The following ERBB4 variants were observed in gnomAD, a reference collection of about 807,000 sequenced individuals.
ERBB4 encodes the protein receptor tyrosine-protein kinase erbB-4.
Under a neutral mutation model 158.0 loss-of-function variants are expected in ERBB4, and 42 were observed. That is an observed-to-expected ratio of 0.27 (90% confidence interval 0.21 to 0.34). ERBB4 has a LOEUF of 0.34. Ranked by LOEUF, ERBB4 falls within the 10% of genes least tolerant of loss-of-function variation. ERBB4 has a pLI of 1.00. For synonymous variants in ERBB4, 583 were observed against 558.7 expected (o/e 1.04, Z -0.61); for missense variants, 1,333 against 1,624.1 (o/e 0.82, Z 3.08).
intron 1 of ERBB4, among the ~76,000 whole-genome samples, chr2:212,252,904 C>T (rs1949651): frequency 0.43 from 65,609 of 151,894 alleles, 15,033 homozygotes; most frequent in East Asian, 0.73. Context: ...CATCTACAGA[C>T]ATTAGATGCT....
At chr2:211,493,331 T>C (rs1371176993) in intron 20 of ERBB4, among the ~76,000 whole-genome samples, 1 of 152,068 alleles carries the variant, frequency 6.6e-6, no homozygotes, top group East Asian at 1.9e-4. Flanking sequence ...ATTTAATATA[T>C]TGAACAGACA....
chr2:211,471,310 T>C (rs560962892), intron 20 of ERBB4, among the ~76,000 whole-genome samples: 130 of 152,232 alleles, frequency 8.5e-4, no homozygotes, highest in African/African-American at 3.0e-3. Context: ...CAAGCCTTTC[T>C]TAAATTTCTA....
intron 1 of ERBB4, among the ~76,000 whole-genome samples, chr2:212,484,151 C>T (rs1282283923): frequency 2.0e-5 from 3 of 152,134 alleles, no homozygotes; most frequent in Admixed American, 2.0e-4. Flanking sequence ...AATAAAAACT[C>T]AGTGTTCTAA....
In ERBB4 at chr2:211,750,715, C is replaced by T. The variant is rs370066248; in HGVS notation, c.557-11G>A. 3.6e-5 allele frequency: 58 copies of T among 1,612,596 alleles called. No individual in the cohort carries two copies. Among genetic ancestry groups the T allele is most frequent in the East Asian group, 8.9e-5 (4 of 44,856 alleles). On this transcript the variant is annotated splice_polypyrimidine_tract_variant and intron_variant, in intron 4 of 27. Transcript: ENST00000342788. ...TATGGCAACGTCCACCTGCAGAACA[C>T]GAAAAGGGAAAAAGGACATGCACGT... is the stretch of plus-strand genomic sequence containing the variant.
At chr2:212,003,148 GGAAAGAAA>G (rs1327750603) in intron 2 of ERBB4, among the ~76,000 whole-genome samples, 18 of 15,188 alleles carry the variant, frequency 1.2e-3, no homozygotes, top group African/African-American at 1.7e-3. Context: ...AAGGAAGGAA[GGAAAGAAA>G]GAAAGAAAGA....
At chr2:211,861,609 A>C (rs1471143453) in intron 3 of ERBB4, among the ~76,000 whole-genome samples, 1 of 152,082 alleles carries the variant, frequency 6.6e-6, no homozygotes, top group Non-Finnish European at 1.5e-5. Flanking sequence ...TTGTTTTTAT[A>C]ATTTTCTTCA....
intron 1 of ERBB4, among the ~76,000 whole-genome samples, chr2:212,309,110 C>T (rs1477834192): frequency 1.3e-5 from 2 of 150,772 alleles, no homozygotes; most frequent in Non-Finnish European, 3.0e-5. Flanking sequence ...AACATCAGTG[C>T]AAATTTTAAA....
At chr2:211,405,906 G>A (rs189711371) in intron 25 of ERBB4, among the ~76,000 whole-genome samples, 127 of 152,018 alleles carry the variant, frequency 8.4e-4, no homozygotes, top group African/African-American at 2.3e-3. Context: ...TAACGTTAAC[G>A]TCTTCCTAGT....
At chr2:211,916,256 T>C (rs1270601674) in intron 3 of ERBB4, among the ~76,000 whole-genome samples, 1 of 152,090 alleles carries the variant, frequency 6.6e-6, no homozygotes, top group African/African-American at 2.4e-5. Context: ...ATCAGCTCAC[T>C]GCAACCTCTG....
At chr2:212,051,626 T>A (rs980111069) in intron 2 of ERBB4, among the ~76,000 whole-genome samples, 2 of 152,168 alleles carry the variant, frequency 1.3e-5, no homozygotes, top group African/African-American at 4.8e-5. Flanking sequence ...TGGTAAGTTA[T>A]CACACATAAT....
At chr2:211,899,387 T>C (rs148171572) in intron 3 of ERBB4, among the ~76,000 whole-genome samples, 1 of 152,306 alleles carries the variant, frequency 6.6e-6, no homozygotes, top group African/African-American at 2.4e-5. Flanking sequence ...TCTAAAATCA[T>C]ATTTTAAATT....
At chr2:212,416,557 A>G (rs1358634047) in intron 1 of ERBB4, among the ~76,000 whole-genome samples, 4 of 152,074 alleles carry the variant, frequency 2.6e-5, no homozygotes, top group African/African-American at 9.7e-5. Flanking sequence ...TAAATCTTCA[A>G]CCTCACATAA....
At chr2:212,238,301 C>G (rs2083953820) in intron 1 of ERBB4, among the ~76,000 whole-genome samples, 1 of 152,158 alleles carries the variant, frequency 6.6e-6, no homozygotes, top group African/African-American at 2.4e-5. Flanking sequence ...ATGGCTCAGT[C>G]CCTCATGATT....
At chr2:211,533,191 C>T (rs746306692) in intron 20 of ERBB4, among the ~76,000 whole-genome samples, 8 of 151,620 alleles carry the variant, frequency 5.3e-5, no homozygotes, top group Non-Finnish European at 8.8e-5. Context: ...TTAATTGTTC[C>T]ACAAAATTCC....
chr2:211,479,555 GAAATA>G (rs1209221082), intron 20 of ERBB4, among the ~76,000 whole-genome samples: 1 of 152,084 alleles, frequency 6.6e-6, no homozygotes, highest in African/African-American at 2.4e-5. Flanking sequence ...TTATGTACGA[GAAATA>G]AAATAAATAT....
chr2:212,188,509 T>C (rs2082097166), intron 1 of ERBB4, among the ~76,000 whole-genome samples: 1 of 151,896 alleles, frequency 6.6e-6, no homozygotes, highest in African/African-American at 2.4e-5. Flanking sequence ...GAAAAGCTAA[T>C]GATGGCAGTC....
chr2:211,893,090 C>T (rs2079011197), intron 3 of ERBB4, among the ~76,000 whole-genome samples: 2 of 146,800 alleles, frequency 1.4e-5, no homozygotes, highest in Non-Finnish European at 3.0e-5. Context: ...AAAAAAGAGC[C>T]CGCATCGCCA....
rs371757522 is a variant in ERBB4 at position 211,936,931 on chromosome 2, A to G, written c.421+10499T>C. ...AAATTCTATTCATCATTTACAAAAC[A>G]TTGACCATTTTTATTGTAACCTATT... On this transcript the variant is annotated intron_variant, in intron 3 of 27. Coordinates refer to ENST00000342788, the MANE Select transcript of ERBB4 (RefSeq NM_005235.3). Among the ~76,000 whole-genome samples, 15 of 152,288 alleles carry G rather than the reference A, an allele frequency of 9.8e-5. No homozygotes were observed. The South Asian group carries it at 2.7e-3, about 27-fold the overall frequency.
At chr2:212,460,549 T>A (rs994016129) in intron 1 of ERBB4, among the ~76,000 whole-genome samples, 2 of 152,324 alleles carry the variant, frequency 1.3e-5, no homozygotes, top group East Asian at 3.9e-4. Context: ...GCAAAGAGGC[T>A]GGCATCATTT....
Sources: gnomAD v4.1 joint callset for allele counts (sites outside exome capture counted in the v4.1 genomes callset) on GRCh38, gnomAD v4.1.1 for gene constraint, MANE v1.5 for transcripts, NCBI Gene and HGNC (gene_info 2026-07-23, HGNC 2026-07-21) for gene names.